The following POGLUT1 variants were observed in gnomAD, a reference collection of about 807,000 sequenced individuals.
The protein encoded by POGLUT1 is 9630046K23Rik.
POGLUT1 carries 32 observed loss-of-function variants against 61.3 expected under a neutral mutation model. The ratio of observed to expected loss-of-function variants is 0.52; its 90% CI spans 0.39 to 0.70. The LOEUF (loss-of-function observed/expected upper bound fraction) is 0.70. Among genes scored for constraint, POGLUT1 ranks in the 30% least tolerant of loss-of-function variants. The pLI is 0.00. For synonymous variants in POGLUT1, 158 were observed against 158.2 expected (o/e 1.00, Z 0.01); for missense variants, 411 against 469.8 (o/e 0.87, Z 1.16).
In POGLUT1 at chr3:119,494,609, C is replaced by T. The variant is rs181189795; in HGVS notation, c.*2171C>T. 6.5e-6 allele frequency: 1 copy of T among 152,776 alleles called. No individual in the cohort carries two copies. The highest frequency in any genetic ancestry group is 2.4e-5 in the African/African-American group (1 of 41,580). 9.5% of individuals were successfully genotyped at this position (152,776 alleles called of 1,614,324 possible). On this transcript the variant is annotated 3_prime_UTR_variant, in exon 11 of 11. Coordinates refer to ENST00000295588, the MANE Select transcript of POGLUT1 (RefSeq NM_152305.3). Reference sequence around the variant, plus strand: ...TTGTTGTTGTTATTACTAGTTCAGTCCCAAACTTACCCTTTCCTTTTCAGA... The same window carrying T: ...TTGTTGTTGTTATTACTAGTTCAGTTCCAAACTTACCCTTTCCTTTTCAGA...
intron 5 of POGLUT1, among the ~76,000 whole-genome samples, 171 bp downstream of exon 5, chr3:119,480,343 G>A (rs987296149): frequency 6.6e-6 from 1 of 151,892 alleles, no homozygotes; most frequent in African/African-American, 2.4e-5. Context: ...CCGCCTCCCA[G>A]GTTCAAGTGA....
intron 4 of POGLUT1, chr3:119,478,294 A>G (rs1219032903): frequency 1.5e-5 from 7 of 453,872 alleles, no homozygotes. Context: ...GGGACCTTTT[A>G]TCCCCACTTT....
chr3:119,478,003 T>C (rs374045045), intron 4 of POGLUT1: 2 of 239,192 alleles, frequency 8.4e-6, no homozygotes, highest in African/African-American at 4.6e-5. Context: ...AAGGGGGTGA[T>C]CTTTTAGACT....
intron 2 of POGLUT1, among the ~76,000 whole-genome samples, chr3:119,470,241 C>T (rs2081454516): frequency 1.3e-5 from 2 of 152,144 alleles, no homozygotes; most frequent in Admixed American, 6.6e-5. Context: ...ACCCATCTAT[C>T]GCTGAATCTA....
In POGLUT1 at chr3:119,480,046, T is replaced by G; in HGVS notation, c.457-5T>G. On this transcript the variant is annotated splice_region_variant and splice_polypyrimidine_tract_variant and intron_variant, in intron 4 of 10. Coordinates refer to ENST00000295588, the MANE Select transcript of POGLUT1 (RefSeq NM_152305.3). Reference sequence around the variant, plus strand: ...TTTAGGACGACCTGTCTGTTTTTGTTGAAGACATCAGAGTACCATGATATC... The same window carrying G: ...TTTAGGACGACCTGTCTGTTTTTGTGGAAGACATCAGAGTACCATGATATC... 1 of 1,613,346 alleles carries G rather than the reference T, an allele frequency of 6.2e-7. No homozygotes were observed. The highest frequency in any genetic ancestry group is 8.5e-7 in the Non-Finnish European group (1 of 1,179,656).
chr3:119,470,910 C>T (rs895478229), intron 2 of POGLUT1, among the ~76,000 whole-genome samples: 3 of 152,182 alleles, frequency 2.0e-5, no homozygotes, highest in African/African-American at 4.8e-5. Flanking sequence ...AGAGTGTGGA[C>T]CAGACAGACC....
rs975218951 is a variant in POGLUT1, at chr3:119,494,029, T to G, written c.*1591T>G. 3 of 152,176 alleles carry G rather than the reference T, an allele frequency of 2.0e-5. No homozygotes were observed. In the East Asian group the frequency reaches 5.8e-4, roughly 29 times the overall value. The allele number at this position is 152,176 out of a possible 1,614,324, so 9.4% of individuals were successfully genotyped here. On this transcript the variant is annotated 3_prime_UTR_variant, in exon 11 of 11. Coordinates refer to ENST00000295588, the MANE Select transcript of POGLUT1 (RefSeq NM_152305.3). ...ATCCTTTAGATTAGGAGCTGAAGAT[T>G]CATTTCCCTGGGAATGTTTCCCATT...
chr3:119,471,853 A>T (rs1463370691), intron 3 of POGLUT1: 1 of 253,324 alleles, frequency 3.9e-6, no homozygotes, highest in Non-Finnish European at 7.7e-6. Context: ...GGGAGGTGGT[A>T]GAGTCAAGAG....
intron 5 of POGLUT1, among the ~76,000 whole-genome samples, chr3:119,482,972 G>A (rs980686457): frequency 1.3e-5 from 2 of 152,202 alleles, no homozygotes; most frequent in Admixed American, 6.5e-5. Flanking sequence ...GGATGGGTAG[G>A]TTAGGAGAAT....
At chr3:119,485,411 CA>C in intron 6 of POGLUT1, 24 bp downstream of exon 6, 1 of 1,509,830 alleles carries the variant, frequency 6.6e-7, no homozygotes, top group East Asian at 2.3e-5. Context: ...TGACATTTTA[CA>C]AAGATATTCT....
rs898602442 is a variant in POGLUT1 at position 119,494,214 on chromosome 3, T to C, written c.*1776T>C. On this transcript the variant is annotated 3_prime_UTR_variant, in exon 11 of 11. Transcript: ENST00000295588. The stretch of plus-strand genomic sequence containing the variant: ...TCCTACTGTTCTGTAAACTTATTAA[T>C]GGGTGAGAATCTAATTTTACTCATC... 3 of 152,280 alleles carry C rather than the reference T, an allele frequency of 2.0e-5. No individual in the cohort carries two copies. The highest frequency in any genetic ancestry group is 4.4e-5 in the Non-Finnish European group (3 of 68,050). The allele number at this position is 152,280 out of a possible 1,614,324, so 9.4% of individuals were successfully genotyped here.
At chr3:119,473,107 A>G (rs910347739) in intron 3 of POGLUT1, among the ~76,000 whole-genome samples, 1 of 152,204 alleles carries the variant, frequency 6.6e-6, no homozygotes, top group East Asian at 1.9e-4. Flanking sequence ...GAAATCAGTT[A>G]CCCTTTGGCT....
chr3:119,478,961 G>C (rs897152224), intron 4 of POGLUT1, among the ~76,000 whole-genome samples: 6 of 151,080 alleles, frequency 4.0e-5, no homozygotes, highest in Non-Finnish European at 8.8e-5. Context: ...GTCTCACTCT[G>C]TTGCCCAGGC....
rs11556604 is a variant in POGLUT1, at chr3:119,492,537, T to G, written c.*99T>G. 0.13 allele frequency: 89,044 copies of G among 693,360 alleles called. 6,410 individuals are homozygous for G. Among genetic ancestry groups the G allele is most frequent in the South Asian group, 0.17 (5,631 of 33,104 alleles). The allele number at this position is 693,360 out of a possible 1,614,324, so 43.0% of individuals were successfully genotyped here. A position where few individuals can be genotyped will look rare whatever the true frequency, so the allele number is the denominator to read the frequency against. On this transcript the variant is annotated 3_prime_UTR_variant, in exon 11 of 11. Transcript: ENST00000295588. The stretch of plus-strand genomic sequence containing the variant: ...GCTTGGCACCTATACCTTGAATATC[T>G]GCTATCAAGCCAAATACCTGGTTTT...
At chr3:119,472,960 G>A (rs1483882644) in intron 3 of POGLUT1, among the ~76,000 whole-genome samples, 1 of 152,136 alleles carries the variant, frequency 6.6e-6, no homozygotes. Context: ...GAGCCCAGGA[G>A]GTCAAGGCTG....
rs549455603 is a variant in POGLUT1 at position 119,485,366 on chromosome 3, C to T, written c.617C>T (p.Thr206Ile). 1.0e-4 allele frequency: 160 copies of T among 1,607,234 alleles called. 3 individuals carry two copies. The South Asian group carries it at 1.7e-3, about 17-fold the overall frequency. The change falls in exon 6 of 11, where the codon ACA becomes ATA. Residue 206 changes from threonine to isoleucine, a missense_variant. Coordinates refer to ENST00000295588, the MANE Select transcript of POGLUT1 (RefSeq NM_152305.3). The stretch of plus-strand genomic sequence containing the variant: ...TGGCCATGGAAAAAGAAAAACTCTA[C>T]AGCATATTTCCGAGGATCAAGGTGA... ...AQWPWKKKNS[T>I]AYFRGSRTSP... is the part of the protein sequence containing the mutation.
chr3:119,477,416 G>A lies in POGLUT1; in HGVS notation c.424G>A (p.Glu142Lys). 1 of 1,614,194 alleles carries A rather than the reference G, an allele frequency of 6.2e-7. No individual in the cohort carries two copies. Among genetic ancestry groups the A allele is most frequent in the South Asian group, 1.1e-5 (1 of 91,088 alleles). Residue 142 changes from glutamate to lysine, a missense_variant, in exon 4 of 11, where the codon GAG becomes AAG. Glu to Lys is a moderately conservative substitution (Grantham distance 56). Transcript: ENST00000295588. ...RDYPQVPKWMEPAIPVFSFSK... is the reference protein window; with the variant it reads ...RDYPQVPKWMKPAIPVFSFSK... ...TTATCCTCAGGTTCCTAAATGGATG[G>A]AGCCTGCCATCCCAGTCTTCTCCTT...
chr3:119,491,171 T>G (rs926491496), intron 9 of POGLUT1, among the ~76,000 whole-genome samples: 12 of 146,818 alleles, frequency 8.2e-5, no homozygotes, highest in African/African-American at 2.7e-4. Flanking sequence ...TGTATATATA[T>G]TTTTTTTCTA....
chr3:119,477,527 T>C (rs2081553434), intron 4 of POGLUT1, 79 bp downstream of exon 4: 5 of 1,351,972 alleles, frequency 3.7e-6, no homozygotes, highest in Non-Finnish European at 5.2e-6. Context: ...TCCGGTGACA[T>C]AGTCTGATGG....
Sources: gnomAD v4.1 joint callset for allele counts (sites outside exome capture counted in the v4.1 genomes callset) on GRCh38, gnomAD v4.1.1 for gene constraint, MANE v1.5 for transcripts, NCBI Gene and HGNC (gene_info 2026-07-23, HGNC 2026-07-21) for gene names.